CMC1: variants seen among roughly 807,000 people sequenced by gnomAD.
CMC1 encodes the protein COX assembly mitochondrial protein homolog.
In CMC1, 14 loss-of-function variants were observed where a neutral mutation model predicts 14.1. The observed-to-expected ratio is 0.99, with a 90% confidence interval of 0.66 to 1.55. The LOEUF (loss-of-function observed/expected upper bound fraction) is 1.55, where lower values mean the gene tolerates loss of function less well. Among genes scored for constraint, CMC1 ranks in the 40% most tolerant of loss-of-function variants. The pLI is 0.00. For synonymous variants in CMC1, 50 were observed against 38.4 expected (o/e 1.30, Z -1.12); for missense variants, 127 against 123.8 (o/e 1.03, Z -0.12).
In CMC1 at chr3:28,316,384, G is replaced by A. The variant is rs368173219; in HGVS notation, c.161G>A (p.Arg54Gln). 188 of 1,597,058 alleles carry A rather than the reference G, an allele frequency of 1.2e-4. 1 individual carries two copies. Among genetic ancestry groups the A allele is most frequent in the Middle Eastern group, 5.0e-4 (3 of 5,968 alleles). Residue 54 changes from arginine to glutamine, a missense_variant, in exon 3 of 4, where the codon CGG becomes CAG. Transcript: ENST00000466830. ...NSGVLMVVKCRKENSALKECL... is the reference protein window; with the variant it reads ...NSGVLMVVKCQKENSALKECL... The stretch of plus-strand genomic sequence containing the variant: ...GGAGTTCTTATGGTAGTAAAATGCC[G>A]GAAAGAAAATTCTGCATTGAAAGAA...
At chr3:28,249,908 C>T (rs573955656) in intron 1 of CMC1, among the ~76,000 whole-genome samples, 133 of 152,172 alleles carry the variant, frequency 8.7e-4, no homozygotes, top group Non-Finnish European at 1.7e-3. Context: ...CAGATGGCTG[C>T]CTTCTCCCTG....
At chr3:28,257,859 A>G (rs1699499793) in intron 1 of CMC1, among the ~76,000 whole-genome samples, 2 of 152,094 alleles carry the variant, frequency 1.3e-5, no homozygotes, top group South Asian at 2.1e-4. Context: ...GGAGTGGAAC[A>G]TATTTAACTT....
intron 2 of CMC1, among the ~76,000 whole-genome samples, chr3:28,282,979 A>T (rs562062929): frequency 1.3e-5 from 2 of 152,280 alleles, no homozygotes; most frequent in East Asian, 3.9e-4. Context: ...AGGTCATCAC[A>T]CACAGCTCAG....
At chr3:28,307,997 A>T (rs1702420455) in intron 2 of CMC1, among the ~76,000 whole-genome samples, 1 of 152,102 alleles carries the variant, frequency 6.6e-6, no homozygotes, top group African/African-American at 2.4e-5. Context: ...TGCTTCCATC[A>T]TCTCATCTCT....
At chr3:28,309,821 C>CCACACACACACACACACA (rs57499697) in intron 2 of CMC1, among the ~76,000 whole-genome samples, 20 of 131,876 alleles carry the variant, frequency 1.5e-4, no homozygotes, top group South Asian at 5.1e-4. Flanking sequence ...CTGATATTTA[C>CCACACACACACACACACA]CACACACACA....
At chr3:28,270,048 T>A (rs1215820341) in intron 2 of CMC1, among the ~76,000 whole-genome samples, 3 of 152,198 alleles carry the variant, frequency 2.0e-5, no homozygotes, top group Non-Finnish European at 4.4e-5. Flanking sequence ...CCTGCGTTAG[T>A]TCCTGCTGAG....
intron 1 of CMC1, among the ~76,000 whole-genome samples, chr3:28,260,069 T>C (rs1360543756): frequency 6.6e-6 from 1 of 152,186 alleles, no homozygotes; most frequent in Non-Finnish European, 1.5e-5. Flanking sequence ...ATCGATATGA[T>C]TATATGGTTT....
intron 3 of CMC1, chr3:28,318,489 A>C (rs1703047745): frequency 6.6e-6 from 1 of 151,842 alleles, no homozygotes; most frequent in East Asian, 1.9e-4. Context: ...TTCTCTTCTC[A>C]TTCTTAAATC....
At chr3:28,243,333 G>T (rs1358367582) in intron 1 of CMC1, among the ~76,000 whole-genome samples, 2 of 152,190 alleles carry the variant, frequency 1.3e-5, no homozygotes, top group East Asian at 3.9e-4. Flanking sequence ...TGGGATTACA[G>T]GTGTGAGCCA....
intron 1 of CMC1, among the ~76,000 whole-genome samples, chr3:28,261,802 C>T (rs1699750405): frequency 1.3e-5 from 2 of 152,100 alleles, no homozygotes; most frequent in Admixed American, 6.6e-5. Flanking sequence ...CACCATGGGC[C>T]CCTCAGAACC....
At chr3:28,309,673 G>A (rs1024783442) in intron 2 of CMC1, among the ~76,000 whole-genome samples, 1 of 151,934 alleles carries the variant, frequency 6.6e-6, no homozygotes, top group African/African-American at 2.4e-5. Flanking sequence ...CTACTCTAAG[G>A]TTCTGTGCAG....
At chr3:28,277,273 G>A (rs572320493) in intron 2 of CMC1, among the ~76,000 whole-genome samples, 24 of 152,194 alleles carry the variant, frequency 1.6e-4, no homozygotes, top group East Asian at 5.8e-4. Flanking sequence ...TTGTATTTGC[G>A]TTTGGTAATA....
Position 28,282,147 on chromosome 3 carries a change from G to A in CMC1, c.109+18767G>A, listed in dbSNP as rs539607774. On this transcript the variant is annotated intron_variant, in intron 2 of 3. Transcript: ENST00000466830. The stretch of plus-strand genomic sequence containing the variant: ...GGAAAATACTTCATACAAATAAAAC[G>A]GAAAGATTAATTTTACCACCAAATA... Among the ~76,000 whole-genome samples, 19 of 152,076 alleles carry A rather than the reference G, an allele frequency of 1.2e-4. No individual in the cohort carries two copies. In the South Asian group the frequency reaches 1.5e-3, roughly 12 times the overall value.
intron 1 of CMC1, among the ~76,000 whole-genome samples, chr3:28,243,822 G>A (rs747373648): frequency 6.6e-6 from 1 of 152,160 alleles, no homozygotes; most frequent in Non-Finnish European, 1.5e-5. Context: ...ACACAGACAC[G>A]TGCGTGGGCA....
At chr3:28,288,081 C>G (rs1701282355) in intron 2 of CMC1, among the ~76,000 whole-genome samples, 1 of 151,916 alleles carries the variant, frequency 6.6e-6, no homozygotes, top group Non-Finnish European at 1.5e-5. Flanking sequence ...TCAATCATTT[C>G]CATCGTTACA....
intron 2 of CMC1, among the ~76,000 whole-genome samples, chr3:28,291,399 A>G (rs1437000539): frequency 2.0e-5 from 3 of 152,072 alleles, no homozygotes; most frequent in Admixed American, 6.6e-5. Flanking sequence ...GATTATCTTG[A>G]GTAATTTAAA....
chr3:28,246,056 G>A (rs941322046), intron 1 of CMC1, among the ~76,000 whole-genome samples: 1 of 151,682 alleles, frequency 6.6e-6, no homozygotes, highest in Non-Finnish European at 1.5e-5. Flanking sequence ...GCCCACCTCG[G>A]CCTCCCAAAG....
chr3:28,241,864 G>A, intron 1 of CMC1, 52 bp downstream of exon 1: 2 of 1,234,306 alleles, frequency 1.6e-6, no homozygotes, highest in East Asian at 6.3e-5. Context: ...CGGGTCTCAC[G>A]CCGCGGGCCA....
chr3:28,318,115 G>T (rs993445366), intron 3 of CMC1: 1 of 151,898 alleles, frequency 6.6e-6, no homozygotes, highest in Non-Finnish European at 1.5e-5. Flanking sequence ...AAATAAGAAG[G>T]TGTTCTGCTT....
Sources: gnomAD v4.1 joint callset for allele counts (sites outside exome capture counted in the v4.1 genomes callset) on GRCh38, gnomAD v4.1.1 for gene constraint, MANE v1.5 for transcripts, NCBI Gene and HGNC (gene_info 2026-07-23, HGNC 2026-07-21) for gene names.